The following RIMS2 variants were observed in gnomAD, a reference collection of about 807,000 sequenced individuals.
RIMS2 encodes regulating synaptic membrane exocytosis 2.
Under a neutral mutation model 174.4 loss-of-function variants are expected in RIMS2, and 59 were observed. The ratio of observed to expected loss-of-function variants is 0.34; its 90% confidence interval spans 0.27 to 0.42. RIMS2 has a LOEUF of 0.42. Among genes scored for constraint, RIMS2 ranks in the 10% least tolerant of loss-of-function variants. The pLI is 1.00. For synonymous variants in RIMS2, 606 were observed against 572.5 expected (o/e 1.06, Z -0.84); for missense variants, 1,620 against 1,666.3 (o/e 0.97, Z 0.48).
chr8:103,728,730 T>TGTTGAG (rs2097553737), intron 2 of RIMS2, among the ~76,000 whole-genome samples: 1 of 148,754 alleles, frequency 6.7e-6, no homozygotes, highest in Admixed American at 6.8e-5. Flanking sequence ...GCTTTTATTT[T>TGTTGAG]GTTGAGGTAT....
At chr8:103,598,939 A>G (rs1337363637) in intron 1 of RIMS2, among the ~76,000 whole-genome samples, 2 of 151,980 alleles carry the variant, frequency 1.3e-5, no homozygotes, top group Non-Finnish European at 2.9e-5. Flanking sequence ...TGTTGTTACC[A>G]TTGATGTATC....
intron 16 of RIMS2, among the ~76,000 whole-genome samples, chr8:103,988,814 A>G (rs2094517157): frequency 1.3e-5 from 2 of 152,208 alleles, no homozygotes; most frequent in African/African-American, 4.8e-5. Flanking sequence ...CTGGAGTGGT[A>G]TCAAGGGAGA....
At chr8:104,224,243 G>A (rs1263954020) in intron 19 of RIMS2, among the ~76,000 whole-genome samples, 1 of 152,196 alleles carries the variant, frequency 6.6e-6, no homozygotes, top group African/African-American at 2.4e-5. Flanking sequence ...ATCGGATGAG[G>A]TGAAGGGGTT....
At chr8:104,229,638 C>T (rs1223696086) in intron 19 of RIMS2, among the ~76,000 whole-genome samples, 1 of 152,052 alleles carries the variant, frequency 6.6e-6, no homozygotes, top group Non-Finnish European at 1.5e-5. Context: ...TTTTCTTTCT[C>T]GGCAGCTAGC....
chr8:103,738,405 G>T (rs1252596266), intron 2 of RIMS2, among the ~76,000 whole-genome samples: 1 of 152,154 alleles, frequency 6.6e-6, no homozygotes, highest in Non-Finnish European at 1.5e-5. Context: ...AGATTTAATT[G>T]TTAGACCTAA....
At chr8:104,073,087 T>C (rs954365098) in intron 19 of RIMS2, among the ~76,000 whole-genome samples, 7 of 152,214 alleles carry the variant, frequency 4.6e-5, no homozygotes, top group African/African-American at 1.4e-4. Context: ...CTTTCTTTCC[T>C]CTTTATTTTC....
chr8:103,745,554 C>T (rs545810433), intron 2 of RIMS2, among the ~76,000 whole-genome samples: 1 of 152,242 alleles, frequency 6.6e-6, no homozygotes, highest in South Asian at 2.1e-4. Flanking sequence ...TTGTTTTTCA[C>T]AGTAACTATA....
intron 17 of RIMS2, among the ~76,000 whole-genome samples, chr8:103,999,354 T>C (rs540888079): frequency 1.3e-5 from 2 of 151,834 alleles, no homozygotes; most frequent in South Asian, 4.1e-4. Flanking sequence ...ATGATTGAAA[T>C]TTAGTGCCTT....
At chr8:104,058,700 A>C (rs2154559947) in intron 19 of RIMS2, among the ~76,000 whole-genome samples, 1 of 152,280 alleles carries the variant, frequency 6.6e-6, no homozygotes, top group Non-Finnish European at 1.5e-5. Context: ...TTATGGTTTT[A>C]GGTCTAACAT....
chr8:103,790,962 G>T (rs2098492377), intron 3 of RIMS2, among the ~76,000 whole-genome samples: 1 of 152,188 alleles, frequency 6.6e-6, no homozygotes, highest in Non-Finnish European at 1.5e-5. Flanking sequence ...ACCTGAAAGT[G>T]ACGGGGAGAA....
chr8:104,255,993 C>T (rs964242840), downstream of RIMS2: 6 of 152,202 alleles, frequency 3.9e-5, no homozygotes, highest in African/African-American at 1.4e-4. Context: ...ATTAAATCAA[C>T]ACTTTAACTA....
At chr8:104,181,581 A>T (rs1032921406) in intron 19 of RIMS2, among the ~76,000 whole-genome samples, 7 of 151,660 alleles carry the variant, frequency 4.6e-5, no homozygotes, top group Admixed American at 1.3e-4. Context: ...TTATGTCAAG[A>T]TAACAAAAAT....
chr8:104,039,527 T>G (rs1171839518), intron 19 of RIMS2, among the ~76,000 whole-genome samples: 1 of 151,808 alleles, frequency 6.6e-6, no homozygotes, highest in Non-Finnish European at 1.5e-5. Flanking sequence ...AAGCTTCATT[T>G]GTTTACGTAG....
At chr8:103,716,717 G>A (rs185860867) in intron 2 of RIMS2, among the ~76,000 whole-genome samples, 2 of 151,862 alleles carry the variant, frequency 1.3e-5, no homozygotes, top group African/African-American at 4.8e-5. Flanking sequence ...AGATTTAACT[G>A]TTATAATATT....
intron 19 of RIMS2, among the ~76,000 whole-genome samples, chr8:104,072,563 A>G (rs2097213443): frequency 2.6e-5 from 4 of 152,270 alleles, no homozygotes; most frequent in Admixed American, 2.6e-4. Flanking sequence ...AGCCTCAGAC[A>G]TATGAAGCAT....
chr8:104,026,230 A>G (rs958705128), intron 19 of RIMS2, among the ~76,000 whole-genome samples: 2 of 152,232 alleles, frequency 1.3e-5, no homozygotes, highest in Admixed American at 6.5e-5. Context: ...ACATATTTCA[A>G]TGCATGTGTA....
intron 2 of RIMS2, among the ~76,000 whole-genome samples, chr8:103,755,464 G>T (rs983758279): frequency 6.6e-5 from 10 of 152,098 alleles, no homozygotes; most frequent in African/African-American, 2.2e-4. Flanking sequence ...TCCTGAATTT[G>T]AATATTGGCC....
At chr8:103,982,856 A>G (rs781299832) in intron 16 of RIMS2, among the ~76,000 whole-genome samples, 4 of 152,216 alleles carry the variant, frequency 2.6e-5, no homozygotes, top group Non-Finnish European at 4.4e-5. Context: ...AAGGACGCCC[A>G]GTTTCACCAC....
At chr8:103,722,650 C>T (rs2097466705) in intron 2 of RIMS2, among the ~76,000 whole-genome samples, 1 of 152,178 alleles carries the variant, frequency 6.6e-6, no homozygotes, top group Non-Finnish European at 1.5e-5. Context: ...ACTCTCCCAC[C>T]ACTAGCCTCC....
Sources: gnomAD v4.1 joint callset for allele counts (sites outside exome capture counted in the v4.1 genomes callset) on GRCh38, gnomAD v4.1.1 for gene constraint, MANE v1.5 for transcripts, NCBI Gene and HGNC (gene_info 2026-07-23, HGNC 2026-07-21) for gene names.